The following CSMD1 variants were observed in gnomAD, a reference collection of about 807,000 sequenced individuals.
The protein encoded by CSMD1 is CUB and sushi domain-containing protein 1.
CSMD1 carries 213 observed loss-of-function variants against 417.5 expected under a neutral mutation model. The observed-to-expected ratio is 0.51, with a 90% confidence interval of 0.46 to 0.57. The LOEUF is 0.57. CSMD1 is among the 20% of genes least tolerant of loss of function. CSMD1 has a pLI of 0.00. For synonymous variants in CSMD1, 2,862 were observed against 1,736.8 expected (o/e 1.65, Z -16.11); for missense variants, 6,923 against 4,529.7 (o/e 1.53, Z -15.17).
At chr8:4,101,579 G>A (rs555984893) in intron 3 of CSMD1, among the ~76,000 whole-genome samples, 1 of 152,304 alleles carries the variant, frequency 6.6e-6, no homozygotes, top group South Asian at 2.1e-4. Context: ...TTTTACAGAA[G>A]TACATTTTAA....
intron 68 of CSMD1, among the ~76,000 whole-genome samples, chr8:2,946,594 A>G (rs889302721): frequency 6.6e-6 from 1 of 152,164 alleles, no homozygotes; most frequent in African/African-American, 2.4e-5. Context: ...GTGCTGACTA[A>G]TATTCCATTG....
intron 7 of CSMD1, among the ~76,000 whole-genome samples, chr8:3,661,136 A>C (rs1585034702): frequency 6.6e-6 from 1 of 152,244 alleles, no homozygotes; most frequent in Non-Finnish European, 1.5e-5. Flanking sequence ...GCCTGAGGAG[A>C]ACTCCGTACT....
intron 26 of CSMD1, among the ~76,000 whole-genome samples, chr8:3,268,792 A>G (rs1486562522): frequency 6.6e-6 from 1 of 152,176 alleles, no homozygotes; most frequent in Non-Finnish European, 1.5e-5. Context: ...ACTTATCAGA[A>G]AATTTTATGC....
At chr8:4,376,745 C>A (rs1053949073) in intron 3 of CSMD1, among the ~76,000 whole-genome samples, 1 of 152,152 alleles carries the variant, frequency 6.6e-6, no homozygotes, top group Non-Finnish European at 1.5e-5. Flanking sequence ...CTTTATTCAC[C>A]CAGCTGCAAT....
chr8:3,750,719 G>T (rs1053773657), intron 6 of CSMD1, among the ~76,000 whole-genome samples: 5 of 152,046 alleles, frequency 3.3e-5, no homozygotes, highest in Admixed American at 6.6e-5. Flanking sequence ...GATCTTACTC[G>T]CAAAAAACCA....
intron 1 of CSMD1, among the ~76,000 whole-genome samples, chr8:4,773,509 C>T (rs1055789276): frequency 6.6e-6 from 1 of 152,156 alleles, no homozygotes; most frequent in Admixed American, 6.5e-5. Context: ...TCTCAGATTG[C>T]TTCCTCAACC....
chr8:3,269,073 G>A (rs1429942177), intron 26 of CSMD1, among the ~76,000 whole-genome samples: 1 of 152,172 alleles, frequency 6.6e-6, no homozygotes, highest in African/African-American at 2.4e-5. Flanking sequence ...ATGAATCAGA[G>A]CTAAAATCCT....
intron 1 of CSMD1, among the ~76,000 whole-genome samples, chr8:4,955,182 T>A (rs1809008660): frequency 6.6e-6 from 1 of 152,176 alleles, no homozygotes; most frequent in African/African-American, 2.4e-5. Flanking sequence ...CCTACGGGGC[T>A]GTTCCCGTTG....
chr8:4,757,073 G>A (rs114776422), intron 1 of CSMD1, among the ~76,000 whole-genome samples: 1 of 152,190 alleles, frequency 6.6e-6, no homozygotes, highest in East Asian at 1.9e-4. Flanking sequence ...AAACAGAAAT[G>A]GCAAGAAACA....
At chr8:3,132,079 G>A (rs992588690) in intron 41 of CSMD1, among the ~76,000 whole-genome samples, 1 of 152,094 alleles carries the variant, frequency 6.6e-6, no homozygotes, top group Non-Finnish European at 1.5e-5. Flanking sequence ...GTTCACACGT[G>A]GCCTCCAGGT....
chr8:3,239,622 G>C (rs962404048), intron 26 of CSMD1, among the ~76,000 whole-genome samples: 1 of 152,208 alleles, frequency 6.6e-6, no homozygotes, highest in African/African-American at 2.4e-5. Context: ...GGAATACTGA[G>C]AAGTTATTTC....
At chr8:3,186,427 T>C (rs778301604) in intron 36 of CSMD1, among the ~76,000 whole-genome samples, 1 of 152,182 alleles carries the variant, frequency 6.6e-6, no homozygotes, top group Admixed American at 6.5e-5. Flanking sequence ...AAACATGGAT[T>C]GTGAATGACA....
chr8:4,404,090 C>A (rs1585022933), intron 3 of CSMD1, among the ~76,000 whole-genome samples: 1 of 152,234 alleles, frequency 6.6e-6, no homozygotes, highest in East Asian at 1.9e-4. Context: ...GCTTTTACTG[C>A]TTTAGGGAAT....
chr8:4,683,224 A>G (rs1806157150), intron 1 of CSMD1, among the ~76,000 whole-genome samples: 1 of 152,054 alleles, frequency 6.6e-6, no homozygotes, highest in South Asian at 2.1e-4. Flanking sequence ...ATTACCATGA[A>G]GAGTCTAATG....
At chr8:3,333,793 C>T (rs186693703) in intron 23 of CSMD1, among the ~76,000 whole-genome samples, 4 of 152,188 alleles carry the variant, frequency 2.6e-5, no homozygotes, top group Admixed American at 6.5e-5. Flanking sequence ...TATAATACAC[C>T]GTAAAAAGCA....
rs79527194 is a variant in CSMD1 at position 4,779,819 on chromosome 8, A to G, written c.86-142261T>C. On this transcript the variant is annotated intron_variant, in intron 1 of 69. Transcript: ENST00000635120. ...GACCCAGGGGATTCCTGGGCCTGGA[A>G]GCCTGCTAAGCAGCATCTTCCACTT... Among the ~76,000 whole-genome samples, 1,428 of 152,268 alleles carry G rather than the reference A, an allele frequency of 9.4e-3. 8 individuals carry two copies. Among genetic ancestry groups the G allele is most frequent in the Middle Eastern group, 0.02 (6 of 294 alleles).
At chr8:4,931,278 T>C (rs941193702) in intron 1 of CSMD1, among the ~76,000 whole-genome samples, 1 of 152,362 alleles carries the variant, frequency 6.6e-6, no homozygotes, top group Middle Eastern at 3.4e-3. Context: ...ACATTACTTT[T>C]GTTCTCTCCT....
intron 23 of CSMD1, among the ~76,000 whole-genome samples, chr8:3,318,063 A>T (rs1366227836): frequency 2.0e-5 from 3 of 152,176 alleles, no homozygotes; most frequent in Non-Finnish European, 4.4e-5. Flanking sequence ...GGCCTCCCAA[A>T]ATGTTGGGAT....
intron 1 of CSMD1, among the ~76,000 whole-genome samples, chr8:4,721,790 G>T (rs909049598): frequency 6.6e-6 from 1 of 152,040 alleles, no homozygotes; most frequent in African/African-American, 2.4e-5. Flanking sequence ...CAATAGCCAA[G>T]GTATGTAAAG....
Sources: gnomAD v4.1 joint callset for allele counts (sites outside exome capture counted in the v4.1 genomes callset) on GRCh38, gnomAD v4.1.1 for gene constraint, MANE v1.5 for transcripts, NCBI Gene and HGNC (gene_info 2026-07-23, HGNC 2026-07-21) for gene names.